CYTH3: variants seen among roughly 807,000 people sequenced by gnomAD.
CYTH3 encodes cytohesin-3.
In CYTH3, 23 loss-of-function variants were observed where a neutral mutation model predicts 55.1. That is an observed-to-expected ratio of 0.42 (90% CI 0.30 to 0.59). The LOEUF (loss-of-function observed/expected upper bound fraction) is 0.59. CYTH3 is among the 20% of genes least tolerant of loss of function. CYTH3 has a pLI of 0.20. For synonymous variants in CYTH3, 249 were observed against 194.9 expected, an observed-to-expected ratio of 1.28 and a Z score of -2.31; for missense variants, 413 against 524.8, an observed-to-expected ratio of 0.79 and a Z score of 2.08.
At position 6,200,931 on chromosome 7, in the gene CYTH3, T is replaced by C. The variant is rs138256312; in HGVS notation, c.35-10400A>G. Among the ~76,000 whole-genome samples the C allele has an allele frequency of 1.2e-4, 19 of 152,204 alleles. No individual in the cohort carries two copies. In the South Asian group the frequency reaches 2.1e-3, roughly 17 times the overall value. ...CCACCATGCCCAGCTAACTTTCAAA[T>C]TGTTTTTGTAGAGACAGGGTCTCAC... is the stretch of plus-strand genomic sequence containing the variant. On this transcript the variant is annotated intron_variant, in intron 1 of 12. Coordinates refer to ENST00000350796, the MANE Select transcript of CYTH3 (RefSeq NM_004227.4).
chr7:6,243,971 G>A (rs1779740590), intron 1 of CYTH3, among the ~76,000 whole-genome samples: 1 of 152,208 alleles, frequency 6.6e-6, no homozygotes, highest in African/African-American at 2.4e-5. Flanking sequence ...ACTGTTCAAA[G>A]TAAGTTATAA....
At position 6,231,907 on chromosome 7, in the gene CYTH3, A is replaced by T. The variant is rs1016828354; in HGVS notation, c.34+40567T>A. ...CACCACCTGAATCTTCACTGTCGGA[A>T]CAGGCTCTCCAACGAGCCTGATCTC... is the stretch of plus-strand genomic sequence containing the variant. On this transcript the variant is annotated intron_variant, in intron 1 of 12. Transcript: ENST00000350796. Among the ~76,000 whole-genome samples the T allele has an allele frequency of 3.3e-5, 5 of 152,312 alleles. 1 individual carries two copies.
chr7:6,171,003 C>A lies in CYTH3; in HGVS notation c.563-25G>T. 6.2e-7 allele frequency: 1 copy of A among 1,612,680 alleles called. No individual in the cohort carries two copies. Among genetic ancestry groups the A allele is most frequent in the Non-Finnish European group, 8.5e-7 (1 of 1,179,592 alleles). On this transcript the variant is annotated intron_variant, in intron 7 of 12. Coordinates refer to ENST00000350796, the MANE Select transcript of CYTH3 (RefSeq NM_004227.4). The surrounding 1 kb of genome is among the most constrained non-coding windows in gnomAD (Gnocchi z 6.7). ...TCTGCAACGAGTCCGGGGTGCTGGG[C>A]TCAGCCAGAACCTCCAGTGGACAGT... is the stretch of plus-strand genomic sequence containing the variant.
chr7:6,259,743 A>AATATATAT (rs1262355040), intron 1 of CYTH3, among the ~76,000 whole-genome samples: 1 of 36,192 alleles, frequency 2.8e-5, no homozygotes, highest in Non-Finnish European at 4.6e-5. Flanking sequence ...ACATATATAT[A>AATATATAT]ATATATATAT....
In CYTH3 at chr7:6,246,712, T is replaced by C. The variant is rs373471022; in HGVS notation, c.34+25762A>G. On this transcript the variant is annotated intron_variant, in intron 1 of 12. Coordinates refer to ENST00000350796, the MANE Select transcript of CYTH3 (RefSeq NM_004227.4). The stretch of plus-strand genomic sequence containing the variant: ...ACTTCTCAGTTTCTACTAGTGAATC[T>C]GACCCAGATTTATTATTGTTGGCAT... Among the ~76,000 whole-genome samples the C allele has an allele frequency of 9.4e-5, 14 of 148,470 alleles. No individual in the cohort carries two copies. In the East Asian group the frequency reaches 2.9e-3, roughly 31 times the overall value.
intron 1 of CYTH3, among the ~76,000 whole-genome samples, chr7:6,233,962 T>C (rs1391786073): frequency 1.3e-5 from 2 of 152,188 alleles, no homozygotes; most frequent in Non-Finnish European, 2.9e-5. Flanking sequence ...GGCAGCTGTC[T>C]GAGGCCTCTT....
rs1282598728 is a variant in CYTH3, at chr7:6,169,906, C to A, written c.823+629G>T. On this transcript the variant is annotated intron_variant, in intron 9 of 12. Transcript: ENST00000350796. The surrounding 1 kb of genome is among the most constrained non-coding windows in gnomAD (Gnocchi z 4.1). ...TGCTCCAGGTCCCAGCCACTCTCAG[C>A]CCCGCCCCTGGGGGTGGGTGTAGCA... 6.6e-6 allele frequency among the ~76,000 whole-genome samples: 1 copy of A among 152,184 alleles called. No individual in the cohort carries two copies. Among genetic ancestry groups the A allele is most frequent in the Non-Finnish European group, 1.5e-5 (1 of 68,032 alleles).
In CYTH3 at chr7:6,163,780, T is replaced by C. The variant is rs1782908742; in HGVS notation, c.*1164A>G. ...CGGCGCACTACATGGGGTGAGACTG[T>C]TTTTAGTTAATTCTGTGTCTATTCA... On this transcript the variant is annotated 3_prime_UTR_variant, in exon 13 of 13. Coordinates refer to ENST00000350796, the MANE Select transcript of CYTH3 (RefSeq NM_004227.4). 6.6e-6 allele frequency: 1 copy of C among 152,172 alleles called. No homozygotes were observed. The allele number at this position is 152,172 out of a possible 1,614,324, so 9.4% of individuals were successfully genotyped here. A position where few individuals can be genotyped will look rare whatever the true frequency, so the allele number is the denominator to read the frequency against.
intron 1 of CYTH3, among the ~76,000 whole-genome samples, chr7:6,223,111 G>C (rs995672559): frequency 4.1e-4 from 62 of 152,336 alleles, no homozygotes; most frequent in African/African-American, 1.4e-3. Flanking sequence ...CCTCTGCCTG[G>C]CTGCCCTTCG....
intron 9 of CYTH3, among the ~76,000 whole-genome samples, chr7:6,166,060 G>C (rs1249168577): frequency 3.9e-5 from 6 of 152,226 alleles, no homozygotes; most frequent in African/African-American, 1.4e-4. Context: ...CGCTTCCTGG[G>C]AGAGTTAGTG....
rs71523777 is a variant in CYTH3, at chr7:6,259,784, AATATATATATAT to A, written c.34+12678_34+12689del. The stretch of plus-strand genomic sequence containing the variant: ...ATATATATATATATTATATATATAT[AATATATATATAT>A]ATATATATATATATATAATATATAT... On this transcript the variant is annotated intron_variant, in intron 1 of 12. Transcript: ENST00000350796. Among the ~76,000 whole-genome samples, 166 of 20,940 alleles carry A rather than the reference AATATATATATAT, an allele frequency of 7.9e-3. 4 individuals are homozygous for A. The highest frequency in any genetic ancestry group is 9.7e-3 in the Non-Finnish European group (149 of 15,338). 13.7% of individuals were successfully genotyped at this position (20,940 alleles called of 152,430 possible).
chr7:6,187,716 C>T lies in CYTH3; in HGVS notation c.123G>A (p.Leu41=). The T allele has an allele frequency of 1.2e-6, 2 of 1,614,126 alleles. No individual in the cohort carries two copies. The highest frequency in any genetic ancestry group is 1.7e-6 in the Non-Finnish European group (2 of 1,179,970). ...KKELIDDIER[L]KYEIAEVMTE... is the part of the protein sequence containing the mutation. The stretch of plus-strand genomic sequence containing the variant: ...TCATCACCTCTGCAATTTCATATTT[C>T]AGCCTCTGTCAAAAAAGAAGAATTT... The change falls in exon 3 of 13, where the codon CTG becomes CTA. Residue 41 remains leucine (L), a synonymous_variant. Coordinates refer to ENST00000350796, the MANE Select transcript of CYTH3 (RefSeq NM_004227.4).
chr7:6,235,017 T>C (rs1199983565), intron 1 of CYTH3, among the ~76,000 whole-genome samples: 1 of 152,102 alleles, frequency 6.6e-6, no homozygotes. Flanking sequence ...TGTTCCCAAT[T>C]TCATATCCCA....
chr7:6,188,007 T>C (rs1562886632), intron 2 of CYTH3, among the ~76,000 whole-genome samples: 12 of 151,274 alleles, frequency 7.9e-5, no homozygotes. Context: ...GCAAGCACAC[T>C]GGGGGGGGAA....
Position 6,172,724 on chromosome 7 carries a change from G to A in CYTH3, c.449+929C>T, listed in dbSNP as rs780735739. On this transcript the variant is annotated intron_variant, in intron 6 of 12. Transcript: ENST00000350796. ...AGGGCCGCACCAGACACCCCTCCCAGACTCACCAGGCCTGCACCCTTCTCT... is the reference window on the plus strand; with the variant it reads ...AGGGCCGCACCAGACACCCCTCCCAAACTCACCAGGCCTGCACCCTTCTCT... 5 of 1,165,480 alleles carry A rather than the reference G, an allele frequency of 4.3e-6. No individual in the cohort carries two copies. The South Asian group carries it at 7.9e-5, about 19-fold the overall frequency. The allele number at this position is 1,165,480 out of a possible 1,614,324, so 72.2% of individuals were successfully genotyped here. A position where few individuals can be genotyped will look rare whatever the true frequency, so the allele number is the denominator to read the frequency against.
At chr7:6,256,249 C>T (rs956988953) in intron 1 of CYTH3, among the ~76,000 whole-genome samples, 6 of 152,160 alleles carry the variant, frequency 3.9e-5, no homozygotes, top group East Asian at 1.9e-4. Context: ...GAACTTCTGC[C>T]GGGATATTCT....
intron 1 of CYTH3, among the ~76,000 whole-genome samples, chr7:6,193,836 G>T (rs1300773859): frequency 6.6e-6 from 1 of 151,224 alleles, no homozygotes; most frequent in African/African-American, 2.5e-5. Context: ...CTAAAAACAG[G>T]GGTGAGAGAT....
chr7:6,166,697 C>G (rs1156320998), intron 9 of CYTH3, among the ~76,000 whole-genome samples: 3 of 152,170 alleles, frequency 2.0e-5, no homozygotes, highest in Non-Finnish European at 4.4e-5. Flanking sequence ...GAACCAGCTG[C>G]AGGTGGGAGG....
At chr7:6,259,784 A>ATAT (rs1491413119) in intron 1 of CYTH3, among the ~76,000 whole-genome samples, 2 of 20,948 alleles carry the variant, frequency 9.5e-5, no homozygotes, top group Non-Finnish European at 1.3e-4. Context: ...ATATATATAT[A>ATAT]ATATATATAT....
Sources: gnomAD v4.1 joint callset for allele counts (sites outside exome capture counted in the v4.1 genomes callset) on GRCh38, gnomAD v4.1.1 for gene constraint, Gnocchi (gnomAD v3.1) non-coding constraint, MANE v1.5 for transcripts, NCBI Gene and HGNC (gene_info 2026-07-23, HGNC 2026-07-21) for gene names.